The following LZTFL1 variants were observed in gnomAD, a reference collection of about 807,000 sequenced individuals.
The protein encoded by LZTFL1 is leucine zipper transcription factor-like protein 1.
LZTFL1 carries 25 observed loss-of-function variants against 45.9 expected under a neutral mutation model. The ratio of observed to expected loss-of-function variants is 0.54; its 90% confidence interval spans 0.40 to 0.76. The LOEUF (loss-of-function observed/expected upper bound fraction) is 0.76, where lower values mean the gene tolerates loss of function less well. LZTFL1 is among the 30% of genes least tolerant of loss of function. The probability of loss-of-function intolerance (pLI) is 0.00; values close to 1 mark genes in which losing one functional copy is unlikely to be tolerated. For missense variants in LZTFL1, 277 were observed against 331.1 expected, an observed-to-expected ratio of 0.84 and a Z score of 1.27; for synonymous variants, 93 against 117.4, an observed-to-expected ratio of 0.79 and a Z score of 1.35.
intron 2 of LZTFL1, among the ~76,000 whole-genome samples, chr3:45,881,380 C>T (rs1575286220): frequency 6.6e-6 from 1 of 152,192 alleles, no homozygotes; most frequent in African/African-American, 2.4e-5. Flanking sequence ...CAGCCTCCAA[C>T]TGGTTTTGTT....
intron 2 of LZTFL1, among the ~76,000 whole-genome samples, chr3:45,882,338 C>T (rs570485416): frequency 1.4e-3 from 209 of 152,320 alleles, no homozygotes; most frequent in African/African-American, 4.3e-3. Flanking sequence ...TACTAACTGC[C>T]TCCAGACACT....
chr3:45,894,959 G>A (rs201821394), intron 2 of LZTFL1: 3 of 1,613,794 alleles, frequency 1.9e-6, no homozygotes, highest in African/African-American at 2.7e-5. Context: ...TTCACAGTGA[G>A]TACAGCCGTG....
At chr3:45,849,785 A>G (rs1454281508) in intron 4 of LZTFL1, among the ~76,000 whole-genome samples, 1 of 152,230 alleles carries the variant, frequency 6.6e-6, no homozygotes, top group Non-Finnish European at 1.5e-5. Context: ...AGAATTGAAG[A>G]TAAATGGTTC....
chr3:45,891,187 C>T (rs1399255668), intron 2 of LZTFL1, among the ~76,000 whole-genome samples: 3 of 152,222 alleles, frequency 2.0e-5, no homozygotes, highest in African/African-American at 4.8e-5. Context: ...GCCCAGGTGG[C>T]TGGGTAAGGT....
At chr3:45,905,703 C>T (rs551773687) in intron 2 of LZTFL1, among the ~76,000 whole-genome samples, 12 of 152,322 alleles carry the variant, frequency 7.9e-5, no homozygotes, top group East Asian at 3.9e-4. Context: ...CATCTCAGCC[C>T]GATGGTGGCA....
intron 4 of LZTFL1, among the ~76,000 whole-genome samples, chr3:45,849,142 A>T (rs1701269268): frequency 6.6e-6 from 1 of 152,214 alleles, no homozygotes; most frequent in Non-Finnish European, 1.5e-5. Flanking sequence ...CCATTAGAGG[A>T]TCATGTCATG....
rs200417769 is a variant in LZTFL1, at chr3:45,901,761, C to T, written c.-215+11359G>A. 81 of 1,614,016 alleles carry T rather than the reference C, an allele frequency of 5.0e-5. No individual in the cohort carries two copies. The highest frequency in any genetic ancestry group is 1.6e-4 in the Middle Eastern group (1 of 6,084). ...CTATGTTTTTGTGGGTGAGAGATTC[C>T]GCCGGGATCTCGTGAAAACCCTGAA... On this transcript the variant is annotated intron_variant, in intron 2 of 4. Transcript: ENST00000472635. The surrounding 1 kb of genome is among the most constrained non-coding windows in gnomAD (Gnocchi z 4.3).
At chr3:45,832,011 G>A (rs184958484) in intron 5 of LZTFL1, among the ~76,000 whole-genome samples, 52 of 152,212 alleles carry the variant, frequency 3.4e-4, no homozygotes, top group African/African-American at 9.4e-4. Flanking sequence ...CGAGGCGGGC[G>A]TATCACAAGA....
At chr3:45,915,194 T>G (rs1702874565) in intron 1 of LZTFL1, among the ~76,000 whole-genome samples, 1 of 152,222 alleles carries the variant, frequency 6.6e-6, no homozygotes, top group South Asian at 2.1e-4. Flanking sequence ...GACACCGTCA[T>G]TTCTCACTGC....
intron 2 of LZTFL1, among the ~76,000 whole-genome samples, chr3:45,898,927 G>A (rs1024373564): frequency 5.9e-5 from 9 of 152,200 alleles, no homozygotes; most frequent in East Asian, 1.9e-4. Context: ...CAGCACTTTC[G>A]GAGGCCAAAG....
In LZTFL1 at chr3:45,842,025, G is replaced by T. The variant is rs1324146827; in HGVS notation, c.-34C>A. The T allele has an allele frequency of 6.2e-7, 1 of 1,606,050 alleles. No individual in the cohort carries two copies. The highest frequency in any genetic ancestry group is 8.5e-7 in the Non-Finnish European group (1 of 1,177,772). On this transcript the variant is annotated 5_prime_UTR_variant, in exon 1 of 10. Coordinates refer to ENST00000296135, the MANE Select transcript of LZTFL1 (RefSeq NM_020347.4). ...GCAGCGGCGGCAGCCTAAAGGAACG[G>T]GAGAGGCCAGGCGGTGCCCCGCCAA...
Position 45,841,571 on chromosome 3 carries a change from CTGAG to C in LZTFL1, c.3+414_3+417del, listed in dbSNP as rs556222963. 391 of 183,726 alleles carry C rather than the reference CTGAG, an allele frequency of 2.1e-3. 1 individual carries two copies. Among genetic ancestry groups the C allele is most frequent in the African/African-American group, 8.5e-3 (365 of 42,972 alleles). The allele number at this position is 183,726 out of a possible 1,614,324, so 11.4% of individuals were successfully genotyped here. A position where few individuals can be genotyped will look rare whatever the true frequency, so the allele number is the denominator to read the frequency against. On this transcript the variant is annotated intron_variant, in intron 1 of 9. Transcript: ENST00000296135. ...GTGTAAACCTTAGAGCTTCCTGAAA[CTGAG>C]TGAGAACCCTGCGTATGTGTTAATG...
intron 4 of LZTFL1, chr3:45,854,904 T>G: frequency 1.0e-6 from 1 of 979,770 alleles, no homozygotes. Context: ...CCCATTCATC[T>G]AATCTGGAAT....
At chr3:45,857,349 C>A (rs1416697084) in intron 3 of LZTFL1, among the ~76,000 whole-genome samples, 3 of 152,110 alleles carry the variant, frequency 2.0e-5, no homozygotes, top group African/African-American at 7.2e-5. Flanking sequence ...AGGGGAACAA[C>A]ACACACTGGG....
At chr3:45,841,752 C>A (rs1701122112) in intron 1 of LZTFL1, 2 of 589,860 alleles carry the variant, frequency 3.4e-6, no homozygotes, top group Non-Finnish European at 6.0e-6. Context: ...AGAAACGAAG[C>A]GATGCGGCGG....
intron 2 of LZTFL1, among the ~76,000 whole-genome samples, chr3:45,880,429 G>A (rs1236923802): frequency 6.6e-6 from 1 of 152,104 alleles, no homozygotes; most frequent in Non-Finnish European, 1.5e-5. Context: ...TTGAACCCAG[G>A]AGGTGGAGGT....
intron 7 of LZTFL1, among the ~76,000 whole-genome samples, chr3:45,829,282 G>T (rs1700750711): frequency 6.6e-6 from 1 of 152,096 alleles, no homozygotes; most frequent in African/African-American, 2.4e-5. Flanking sequence ...CAGTAAAATG[G>T]TCTACAATTG....
At chr3:45,894,359 C>T (rs991616455) in intron 2 of LZTFL1, among the ~76,000 whole-genome samples, 12 of 152,176 alleles carry the variant, frequency 7.9e-5, no homozygotes, top group African/African-American at 2.9e-4. Flanking sequence ...GTGGGCACCA[C>T]CCAGCCCTCA....
rs1477765755 is a variant in LZTFL1 at position 45,827,477 on chromosome 3, T to C, written c.778-18A>G. On this transcript the variant is annotated intron_variant, in intron 8 of 9. Coordinates refer to ENST00000296135, the MANE Select transcript of LZTFL1 (RefSeq NM_020347.4). ...TCTAATTCCTGCTTAGTAAAAAATG[T>C]CAGCCCATTACTAAAAAAATAGTTA... 6.8e-7 allele frequency: 1 copy of C among 1,472,584 alleles called. No individual in the cohort carries two copies. Among genetic ancestry groups the C allele is most frequent in the South Asian group, 1.1e-5 (1 of 87,966 alleles). 91.2% of individuals were successfully genotyped at this position (1,472,584 alleles called of 1,614,324 possible).
Sources: allele counts gnomAD v4.1 joint callset (sites outside exome capture counted in the v4.1 genomes callset), GRCh38; gene constraint gnomAD v4.1.1; non-coding constraint Gnocchi (gnomAD v3.1); transcripts MANE v1.5; gene names NCBI Gene and HGNC (gene_info 2026-07-23, HGNC 2026-07-21).